Variants in CLSTN2 observed in about 807,000 individuals in gnomAD.
CLSTN2 encodes the protein calsyntenin 2.
Under a neutral mutation model 101.2 loss-of-function variants are expected in CLSTN2, and 48 were observed. The ratio of observed to expected loss-of-function variants is 0.47; its 90% CI spans 0.38 to 0.60. The LOEUF (loss-of-function observed/expected upper bound fraction) is 0.60, where lower values mean the gene tolerates loss of function less well. Ranked by LOEUF, CLSTN2 falls within the 20% of genes least tolerant of loss-of-function variation. The pLI is 0.00. For synonymous variants in CLSTN2, 481 were observed against 463.6 expected (o/e 1.04, Z -0.48); for missense variants, 1,160 against 1,238.2 (o/e 0.94, Z 0.95).
chr3:140,518,930 C>T (rs1934973773), intron 8 of CLSTN2, among the ~76,000 whole-genome samples: 1 of 152,140 alleles, frequency 6.6e-6, no homozygotes, highest in Non-Finnish European at 1.5e-5. Flanking sequence ...GTTAGGTTAA[C>T]TTGATATCTT....
chr3:140,196,182 C>A (rs2010641246), intron 2 of CLSTN2, among the ~76,000 whole-genome samples: 1 of 152,184 alleles, frequency 6.6e-6, no homozygotes, highest in Admixed American at 6.5e-5. Context: ...AAAACAGGCA[C>A]CTTTTAGCTA....
At chr3:140,538,597 T>G (rs1348217350) in intron 9 of CLSTN2, among the ~76,000 whole-genome samples, 3 of 152,242 alleles carry the variant, frequency 2.0e-5, no homozygotes, top group Non-Finnish European at 4.4e-5. Flanking sequence ...GGTCATTTTC[T>G]TCTGCCAGAC....
chr3:140,318,786 G>A (rs2087255296), intron 2 of CLSTN2, among the ~76,000 whole-genome samples: 2 of 152,186 alleles, frequency 1.3e-5, no homozygotes, highest in Admixed American at 1.3e-4. Context: ...TGCCTACTTT[G>A]TACCTAAGCT....
chr3:140,391,223 G>A (rs1005298495), intron 2 of CLSTN2, among the ~76,000 whole-genome samples: 2 of 152,190 alleles, frequency 1.3e-5, no homozygotes, highest in East Asian at 3.9e-4. Flanking sequence ...TAGCCTCCAC[G>A]CTGTACCACG....
chr3:140,158,765 C>T (rs1560112672), intron 1 of CLSTN2, among the ~76,000 whole-genome samples: 1 of 152,154 alleles, frequency 6.6e-6, no homozygotes, highest in African/African-American at 2.4e-5. Flanking sequence ...GTCACACTCC[C>T]TGATTTCAAA....
chr3:140,521,860 A>C (rs1418534097), intron 8 of CLSTN2, among the ~76,000 whole-genome samples: 2 of 152,160 alleles, frequency 1.3e-5, no homozygotes, highest in Non-Finnish European at 2.9e-5. Flanking sequence ...GGTGCCGTTG[A>C]AGTGGGGCCC....
chr3:140,406,204 G>T (rs1281547322), intron 4 of CLSTN2, among the ~76,000 whole-genome samples: 1 of 152,190 alleles, frequency 6.6e-6, no homozygotes, highest in Non-Finnish European at 1.5e-5. Context: ...ACTTCATGAT[G>T]TTGAGACCAG....
At chr3:140,040,968 T>C (rs1386180121) in intron 1 of CLSTN2, among the ~76,000 whole-genome samples, 2 of 152,102 alleles carry the variant, frequency 1.3e-5, no homozygotes, top group African/African-American at 4.8e-5. Flanking sequence ...ATGCTGCCGA[T>C]GGCAGTGATA....
At chr3:140,150,950 T>C (rs2009855102) in intron 1 of CLSTN2, among the ~76,000 whole-genome samples, 1 of 151,966 alleles carries the variant, frequency 6.6e-6, no homozygotes, top group Admixed American at 6.6e-5. Context: ...TGATCTAATT[T>C]TATATGGCAC....
At chr3:140,083,179 G>T (rs1272620256) in intron 1 of CLSTN2, among the ~76,000 whole-genome samples, 1 of 152,054 alleles carries the variant, frequency 6.6e-6, no homozygotes, top group African/African-American at 2.4e-5. Flanking sequence ...TGATTTGTTT[G>T]TATGATGATT....
In CLSTN2 at chr3:140,063,764, A is replaced by C. The variant is rs545895533; in HGVS notation, c.110-112187A>C. Reference sequence around the variant, plus strand: ...CCTTTTGTAGGAGGGGCCATCTTGCACCTTGAGCCCTGACATGGAGGAGGT... The same window carrying C: ...CCTTTTGTAGGAGGGGCCATCTTGCCCCTTGAGCCCTGACATGGAGGAGGT... On this transcript the variant is annotated intron_variant, in intron 1 of 16. Transcript: ENST00000458420. 5.3e-5 allele frequency among the ~76,000 whole-genome samples: 8 copies of C among 152,202 alleles called. No homozygotes were observed. In the South Asian group the frequency reaches 1.7e-3, roughly 32 times the overall value.
At chr3:140,354,895 T>C (rs2087652167) in intron 2 of CLSTN2, among the ~76,000 whole-genome samples, 1 of 152,216 alleles carries the variant, frequency 6.6e-6, no homozygotes, top group Non-Finnish European at 1.5e-5. Context: ...GTGCCCCTGC[T>C]CTTGCACCTA....
intron 2 of CLSTN2, among the ~76,000 whole-genome samples, chr3:140,331,657 A>G (rs2087384182): frequency 6.6e-6 from 1 of 152,184 alleles, no homozygotes; most frequent in Non-Finnish European, 1.5e-5. Flanking sequence ...TGTGGTCCTC[A>G]GTCACCTGGA....
At chr3:140,376,938 G>C (rs2087924245) in intron 2 of CLSTN2, among the ~76,000 whole-genome samples, 1 of 151,972 alleles carries the variant, frequency 6.6e-6, no homozygotes, top group African/African-American at 2.4e-5. Context: ...GTACTCCCTT[G>C]TCTTTTTCCC....
At chr3:140,322,730 A>G in intron 2 of CLSTN2, among the ~76,000 whole-genome samples, 1 of 152,220 alleles carries the variant, frequency 6.6e-6, no homozygotes, top group East Asian at 1.9e-4. Flanking sequence ...TCACTCCTAG[A>G]ATCTCAGAGT....
intron 2 of CLSTN2, among the ~76,000 whole-genome samples, chr3:140,253,623 G>C (rs756448524): frequency 6.6e-6 from 1 of 152,062 alleles, no homozygotes; most frequent in African/African-American, 2.4e-5. Flanking sequence ...AGCCAGAAAG[G>C]TAAAGTGGAA....
At chr3:140,115,970 C>T (rs1189873889) in intron 1 of CLSTN2, among the ~76,000 whole-genome samples, 1 of 152,134 alleles carries the variant, frequency 6.6e-6, no homozygotes, top group Non-Finnish European at 1.5e-5. Context: ...GGAAATGTAG[C>T]CTGGGTTTGC....
rs935039358 is a variant in CLSTN2 at position 140,575,322 on chromosome 3, C to A, written c.*9069C>A. On this transcript the variant is annotated 3_prime_UTR_variant, in exon 17 of 17. Transcript: ENST00000458420. The stretch of plus-strand genomic sequence containing the variant: ...TACAAGTGACAGCACCAGGAACAAC[C>A]CCCTCCCCCAGATGCCAAAGCATTG... The A allele has an allele frequency of 1.3e-5, 2 of 152,136 alleles. No individual in the cohort carries two copies. Among genetic ancestry groups the A allele is most frequent in the Non-Finnish European group, 2.9e-5 (2 of 68,034 alleles). The allele number at this position is 152,136 out of a possible 1,614,324, so 9.4% of individuals were successfully genotyped here. A position where few individuals can be genotyped will look rare whatever the true frequency, so the allele number is the denominator to read the frequency against.
intron 8 of CLSTN2, among the ~76,000 whole-genome samples, chr3:140,481,949 C>T (rs1436849210): frequency 2.0e-5 from 3 of 152,126 alleles, no homozygotes; most frequent in Admixed American, 1.3e-4. Context: ...TTTCTTTCTC[C>T]TGCCTGATTG....
Sources: allele counts gnomAD v4.1 joint callset (sites outside exome capture counted in the v4.1 genomes callset), GRCh38; gene constraint gnomAD v4.1.1; transcripts MANE v1.5; gene names NCBI Gene and HGNC (gene_info 2026-07-23, HGNC 2026-07-21).